The following RBM27 variants were observed in gnomAD, a reference collection of about 807,000 sequenced individuals.
RBM27 encodes the protein RNA-binding protein 27.
Under a neutral mutation model 135.3 loss-of-function variants are expected in RBM27, and 22 were observed. The observed-to-expected ratio is 0.16, with a 90% CI of 0.12 to 0.23. The LOEUF is 0.23. Ranked by LOEUF, RBM27 falls within the 10% of genes least tolerant of loss-of-function variation. The pLI is 1.00. For synonymous variants in RBM27, 481 were observed against 442.4 expected (o/e 1.09, Z -1.10); for missense variants, 1,009 against 1,281.0 (o/e 0.79, Z 3.24).
At chr5:146,209,026 A>G (rs1178750409) in intron 1 of RBM27, among the ~76,000 whole-genome samples, 1 of 152,156 alleles carries the variant, frequency 6.6e-6, no homozygotes, top group Admixed American at 6.6e-5. Flanking sequence ...TTCCGTATCT[A>G]TCTCTAATTC....
chr5:146,244,120 G>C (rs1273932420), intron 8 of RBM27, among the ~76,000 whole-genome samples: 1 of 152,150 alleles, frequency 6.6e-6, no homozygotes, highest in Non-Finnish European at 1.5e-5. Context: ...ACTGGTTTTG[G>C]AAAAAGACAA....
At chr5:146,261,489 T>A in intron 12 of RBM27, 21 bp from the exon 13 acceptor site, 1 of 1,591,150 alleles carries the variant, frequency 6.3e-7, no homozygotes, top group Non-Finnish European at 8.6e-7. Flanking sequence ...TGGGAATTTA[T>A]ATTGTTTTAT....
rs893227760 is a variant in RBM27 at position 146,221,950 on chromosome 5, A to T, written c.179-1453A>T. 4.6e-5 allele frequency among the ~76,000 whole-genome samples: 7 copies of T among 152,050 alleles called. No homozygotes were observed. The East Asian group carries it at 9.6e-4, about 21-fold the overall frequency. On this transcript the variant is annotated intron_variant, in intron 2 of 20. Coordinates refer to ENST00000265271, the MANE Select transcript of RBM27 (RefSeq NM_018989.2). ...TTGTTTTTATTTTTATTTATTTTTA[A>T]TTTTTCCCAAACTCTTTGGTTTCCC... is the stretch of plus-strand genomic sequence containing the variant.
In RBM27 at chr5:146,254,689, T is replaced by C. The variant is rs961078928; in HGVS notation, c.1445-254T>C. ...ATTAACCTAGAGATGTTTTAGAGTA[T>C]ACAAGAGGATTTACCTAGGTTATAT... On this transcript the variant is annotated intron_variant, in intron 9 of 20. Coordinates refer to ENST00000265271, the MANE Select transcript of RBM27 (RefSeq NM_018989.2). Among the ~76,000 whole-genome samples, 3 of 152,212 alleles carry C rather than the reference T, an allele frequency of 2.0e-5. No individual in the cohort carries two copies. In the East Asian group the frequency reaches 5.8e-4, roughly 29 times the overall value.
At chr5:146,245,330 C>T (rs1236255505) in intron 8 of RBM27, 1 of 152,160 alleles carries the variant, frequency 6.6e-6, no homozygotes, top group Non-Finnish European at 1.5e-5. Flanking sequence ...AAAGTACACT[C>T]TCTTTTCTAC....
chr5:146,229,583 G>A, intron 4 of RBM27, 134 bp from the exon 5 acceptor site: 1 of 609,598 alleles, frequency 1.6e-6, no homozygotes, highest in Non-Finnish European at 2.8e-6. Context: ...GAGGAATTAT[G>A]TGGTAGATTT....
chr5:146,212,987 AAT>A (rs772652859), intron 1 of RBM27, among the ~76,000 whole-genome samples: 20 of 152,130 alleles, frequency 1.3e-4, no homozygotes, highest in Non-Finnish European at 2.5e-4. Flanking sequence ...TTATTTAATA[AAT>A]ATATTTTGTG....
At chr5:146,266,223 T>C (rs1758611373) in intron 14 of RBM27, among the ~76,000 whole-genome samples, 1 of 152,038 alleles carries the variant, frequency 6.6e-6, no homozygotes, top group East Asian at 1.9e-4. Flanking sequence ...TAAAAGAAAT[T>C]TGGGGGACAG....
At chr5:146,240,217 C>G (rs1230027754) in intron 8 of RBM27, among the ~76,000 whole-genome samples, 1 of 151,422 alleles carries the variant, frequency 6.6e-6, no homozygotes, top group Non-Finnish European at 1.5e-5. Flanking sequence ...ATCTTCTTTC[C>G]TACTAATATA....
intron 19 of RBM27, among the ~76,000 whole-genome samples, chr5:146,281,806 C>G (rs1203076179): frequency 6.6e-6 from 1 of 152,094 alleles, no homozygotes. Context: ...AATATGCATT[C>G]CTAAATATTA....
At chr5:146,220,614 A>G (rs1581149383) in intron 2 of RBM27, among the ~76,000 whole-genome samples, 2 of 152,064 alleles carry the variant, frequency 1.3e-5, no homozygotes, top group Non-Finnish European at 2.9e-5. Flanking sequence ...GTATTTACTG[A>G]GAAGGAGAAA....
In RBM27 at chr5:146,263,648, G is replaced by A. The variant is rs376542765; in HGVS notation, c.2331+17G>A. 276 of 1,612,134 alleles carry A rather than the reference G, an allele frequency of 1.7e-4. No homozygotes were observed. In the African/African-American group the frequency reaches 3.2e-3, roughly 19 times the overall value. ...GATTGCCAGGTATGCATTTTTGGGA[G>A]CTTCAGATATATTTAGAATCATTCA... On this transcript the variant is annotated intron_variant, in intron 14 of 20. Coordinates refer to ENST00000265271, the MANE Select transcript of RBM27 (RefSeq NM_018989.2).
chr5:146,253,735 G>A lies in RBM27; in HGVS notation c.1445-1208G>A, dbSNP rs76363316. Among the ~76,000 whole-genome samples the A allele has an allele frequency of 7.6e-3, 1,159 of 152,244 alleles. 19 individuals carry two copies. Among genetic ancestry groups the A allele is most frequent in the African/African-American group, 0.027 (1,101 of 41,542 alleles). On this transcript the variant is annotated intron_variant, in intron 9 of 20. Coordinates refer to ENST00000265271, the MANE Select transcript of RBM27 (RefSeq NM_018989.2). ...AAATTAGCTTGTGAATCTGAAGTTA[G>A]GAGGAGCACAATATTCGTGGGAGAG...
At chr5:146,269,374 T>G in intron 16 of RBM27, 46 bp from the exon 17 acceptor site, 1 of 1,488,782 alleles carries the variant, frequency 6.7e-7, no homozygotes. Flanking sequence ...TTCTTTATAT[T>G]AAAGTTTATT....
chr5:146,221,440 AT>A (rs1019685197), intron 2 of RBM27, among the ~76,000 whole-genome samples: 2 of 149,844 alleles, frequency 1.3e-5, no homozygotes, highest in South Asian at 2.1e-4. Flanking sequence ...AGAGAAATTG[AT>A]TTTTTTTTTG....
Position 146,260,964 on chromosome 5 carries a change from C to T in RBM27, c.1893+66C>T. The stretch of plus-strand genomic sequence containing the variant: ...TGGGTCTTGGGAATATTTCTATCAG[C>T]TCACCTTGTTTAAATGAGTCAGTGG... On this transcript the variant is annotated intron_variant, in intron 12 of 20. Coordinates refer to ENST00000265271, the MANE Select transcript of RBM27 (RefSeq NM_018989.2). The T allele has an allele frequency of 8.9e-6, 13 of 1,460,270 alleles. No homozygotes were observed. The South Asian group carries it at 1.6e-4, about 18-fold the overall frequency. The allele number at this position is 1,460,270 out of a possible 1,614,324, so 90.5% of individuals were successfully genotyped here.
intron 1 of RBM27, among the ~76,000 whole-genome samples, chr5:146,209,508 T>C (rs1453806399): frequency 6.6e-6 from 1 of 152,200 alleles, no homozygotes; most frequent in Non-Finnish European, 1.5e-5. Context: ...TATTGGTTCA[T>C]ATTTATGGGT....
intron 8 of RBM27, among the ~76,000 whole-genome samples, chr5:146,239,594 C>T (rs1757317537): frequency 6.7e-6 from 1 of 149,546 alleles, no homozygotes; most frequent in Non-Finnish European, 1.5e-5. Flanking sequence ...TCTTGTGCCT[C>T]AGCCTCCCAA....
chr5:146,232,790 G>T (rs1331483064), intron 6 of RBM27, among the ~76,000 whole-genome samples: 1 of 152,180 alleles, frequency 6.6e-6, no homozygotes. Flanking sequence ...GATGGTCTCA[G>T]TTTCTTGACC....
Sources: allele counts gnomAD v4.1 joint callset (sites outside exome capture counted in the v4.1 genomes callset), GRCh38; gene constraint gnomAD v4.1.1; transcripts MANE v1.5; gene names NCBI Gene and HGNC (gene_info 2026-07-23, HGNC 2026-07-21).